Variants in KANK4 observed in about 807,000 individuals in gnomAD.
The protein encoded by KANK4 is KN motif and ankyrin repeat domains 4.
A neutral mutation model predicts 80.8 loss-of-function variants in KANK4; 50 were observed. The observed-to-expected ratio is 0.62, with a 90% CI of 0.49 to 0.78. The LOEUF (loss-of-function observed/expected upper bound fraction) is 0.78. Ranked by LOEUF, KANK4 falls within the 30% of genes least tolerant of loss-of-function variation. The probability of loss-of-function intolerance (pLI) is 0.00; values close to 1 mark genes in which losing one functional copy is unlikely to be tolerated. For missense variants in KANK4, 1,196 were observed against 1,240.1 expected (o/e 0.96, Z 0.53); for synonymous variants, 465 against 506.9 (o/e 0.92, Z 1.11).
rs1035452105 is a variant in KANK4 at position 62,273,218 on chromosome 1, G to A, written c.1886C>T (p.Ser629Phe). The change falls in exon 3 of 10, where the codon TCC becomes TTC. Residue 629 changes from serine to phenylalanine, a missense_variant. Physicochemically the swap from Ser to Phe is radical, Grantham distance 155. Around this residue, in one of 3 missense-constraint regions of KANK4, gnomAD observed 1,154 missense variants for 1,179.6 expected, o/e 0.98. Transcript: ENST00000371153. ...ATGGTATTTACCCACTGGCGGGGAGGAGGAGGAGGCCGGTGGCTCCTTGGG... is the reference window on the plus strand; with the variant it reads ...ATGGTATTTACCCACTGGCGGGGAGAAGGAGGAGGCCGGTGGCTCCTTGGG... ...HPPKEPPASSSSPPVEISPST... is the reference protein window; with the variant it reads ...HPPKEPPASSFSPPVEISPST... 14 of 1,514,118 alleles carry A rather than the reference G, an allele frequency of 9.2e-6. No homozygotes were observed. The highest frequency in any genetic ancestry group is 1.4e-5 in the African/African-American group (1 of 71,714). 93.8% of individuals were successfully genotyped at this position (1,514,118 alleles called of 1,614,324 possible). A position where few individuals can be genotyped will look rare whatever the true frequency, so the allele number is the denominator to read the frequency against.
chr1:62,291,316 C>T (rs1449425555), intron 1 of KANK4, among the ~76,000 whole-genome samples: 1 of 152,228 alleles, frequency 6.6e-6, no homozygotes, highest in Non-Finnish European at 1.5e-5. Context: ...AAGTTCTTCA[C>T]ATATTCAGGA....
intron 2 of KANK4, among the ~76,000 whole-genome samples, chr1:62,275,685 C>G (rs962519032): frequency 2.0e-5 from 3 of 152,150 alleles, no homozygotes; most frequent in African/African-American, 4.8e-5. Flanking sequence ...TCAGAGAGAG[C>G]TGGAACAAGT....
At chr1:62,267,092 G>T (rs181080214) in intron 5 of KANK4, among the ~76,000 whole-genome samples, 5 of 152,126 alleles carry the variant, frequency 3.3e-5, no homozygotes, top group African/African-American at 9.7e-5. Flanking sequence ...GCATTTAGGT[G>T]GGGGGTCGTG....
intron 1 of KANK4, among the ~76,000 whole-genome samples, chr1:62,287,568 A>G (rs545561356): frequency 1.6e-4 from 25 of 152,288 alleles, no homozygotes; most frequent in Non-Finnish European, 3.2e-4. Flanking sequence ...TTATCCTTGC[A>G]TCAATGCTTG....
intron 7 of KANK4, among the ~76,000 whole-genome samples, 165 bp from the exon 8 acceptor site, chr1:62,253,374 GA>G (rs1216061694): frequency 1.3e-5 from 2 of 150,748 alleles, no homozygotes; most frequent in African/African-American, 4.9e-5. Context: ...AGCCTTTAAA[GA>G]TGGTTTCTTT....
chr1:62,313,496 C>A (rs1332784692), intron 1 of KANK4, among the ~76,000 whole-genome samples: 1 of 152,230 alleles, frequency 6.6e-6, no homozygotes, highest in African/African-American at 2.4e-5. Context: ...TTCTTTTCCT[C>A]TCACTCCCAA....
In KANK4 at chr1:62,253,057, T is replaced by C; in HGVS notation, c.2682+10A>G. 1 of 1,613,256 alleles carries C rather than the reference T, an allele frequency of 6.2e-7. No homozygotes were observed. Among genetic ancestry groups the C allele is most frequent in the Non-Finnish European group, 8.5e-7 (1 of 1,179,766 alleles). On this transcript the variant is annotated intron_variant, in intron 8 of 9. Transcript: ENST00000371153. ...TTTACTGAAGAGGAGATCCTGTTCA[T>C]TCCACCCACCTGAGTAGCTTGAATG...
intron 1 of KANK4, among the ~76,000 whole-genome samples, chr1:62,314,509 C>T (rs1158030389): frequency 6.6e-6 from 1 of 151,966 alleles, no homozygotes; most frequent in East Asian, 1.9e-4. Flanking sequence ...GGGCAGAAAC[C>T]AGGATGTGGA....
chr1:62,238,632 C>CTTTTTTTTTTTTTTTTTTTTT (rs199999610), intron 9 of KANK4, among the ~76,000 whole-genome samples: 1 of 142,216 alleles, frequency 7.0e-6, no homozygotes, highest in Non-Finnish European at 1.5e-5. Flanking sequence ...TTTTAATGCT[C>CTTTTTTTTTTTTTTTTTTTTT]TTTTTTTTTT....
At chr1:62,314,205 G>A (rs1043864776) in intron 1 of KANK4, among the ~76,000 whole-genome samples, 3 of 152,060 alleles carry the variant, frequency 2.0e-5, no homozygotes, top group Non-Finnish European at 4.4e-5. Context: ...GTAGAGATGG[G>A]GTTTCTCCAT....
At chr1:62,247,387 G>A (rs975681668) in intron 9 of KANK4, 85 bp downstream of exon 9, 13 of 1,200,036 alleles carry the variant, frequency 1.1e-5, no homozygotes, top group Admixed American at 5.2e-5. Context: ...TGATCCTCCC[G>A]CCTCAGCCTC....
At chr1:62,308,295 A>G (rs981663619) in intron 1 of KANK4, among the ~76,000 whole-genome samples, 1 of 152,174 alleles carries the variant, frequency 6.6e-6, no homozygotes, top group African/African-American at 2.4e-5. Flanking sequence ...AGGCGCCTGC[A>G]TGGAGAGGGG....
In KANK4 at chr1:62,273,215, G is replaced by C. The variant is rs769014213; in HGVS notation, c.1889C>G (p.Ser630Cys). The C allele has an allele frequency of 3.5e-5, 52 of 1,496,880 alleles. No homozygotes were observed. In the East Asian group the frequency reaches 1.2e-3, roughly 33 times the overall value. 92.7% of individuals were successfully genotyped at this position (1,496,880 alleles called of 1,614,324 possible). Residue 630 changes from serine to cysteine, a missense_variant, in exon 3 of 10, where the codon TCC (serine) becomes TGC (cysteine). By Grantham distance (112) the Ser-to-Cys change is moderately radical. Around this residue, in one of 3 missense-constraint regions of KANK4, gnomAD observed 1,154 missense variants for 1,179.6 expected, o/e 0.98. Coordinates refer to ENST00000371153, the MANE Select transcript of KANK4 (RefSeq NM_181712.5). ...TTGATGGTATTTACCCACTGGCGGG[G>C]AGGAGGAGGAGGCCGGTGGCTCCTT... is the stretch of plus-strand genomic sequence containing the variant. ...PPKEPPASSSSPPVEISPSTS... is the reference protein window; with the variant it reads ...PPKEPPASSSCPPVEISPSTS...
chr1:62,277,660 C>T (rs1004938651), intron 2 of KANK4, among the ~76,000 whole-genome samples: 2 of 152,172 alleles, frequency 1.3e-5, no homozygotes, highest in African/African-American at 4.8e-5. Flanking sequence ...GCCCAAACAG[C>T]CCCACAGAAA....
intron 1 of KANK4, among the ~76,000 whole-genome samples, chr1:62,295,982 TACTC>T (rs1166348877): frequency 7.2e-5 from 11 of 152,288 alleles, no homozygotes; most frequent in African/African-American, 2.4e-4. Flanking sequence ...TACCCATCCT[TACTC>T]AGTGCCTAGG....
chr1:62,298,152 A>T (rs1439065824), intron 1 of KANK4: 1 of 152,154 alleles, frequency 6.6e-6, no homozygotes, highest in African/African-American at 2.4e-5. Context: ...TTCTTTTTTA[A>T]ATATGAAATG....
At chr1:62,254,856 C>A (rs1570973799) in intron 7 of KANK4, among the ~76,000 whole-genome samples, 1 of 149,430 alleles carries the variant, frequency 6.7e-6, no homozygotes, top group Non-Finnish European at 1.5e-5. Flanking sequence ...CAGGCATGAG[C>A]CACTGTGCCT....
chr1:62,244,664 G>A (rs989798874), intron 9 of KANK4, among the ~76,000 whole-genome samples: 1 of 152,158 alleles, frequency 6.6e-6, no homozygotes, highest in African/African-American at 2.4e-5. Context: ...GGAACTGTAA[G>A]TCCAATTAAA....
chr1:62,237,242 G>A lies in KANK4; in HGVS notation c.*1035C>T, dbSNP rs1245750881. ...TAAACCTTGCATGTGCTGGCCCCAGGGAATATGGAAGCTTCGGAAGGTATT... is the reference window on the plus strand; with the variant it reads ...TAAACCTTGCATGTGCTGGCCCCAGAGAATATGGAAGCTTCGGAAGGTATT... On this transcript the variant is annotated 3_prime_UTR_variant, in exon 10 of 10. Coordinates refer to ENST00000371153, the MANE Select transcript of KANK4 (RefSeq NM_181712.5). 6.6e-6 allele frequency: 1 copy of A among 151,704 alleles called. No homozygotes were observed. The highest frequency in any genetic ancestry group is 1.5e-5 in the Non-Finnish European group (1 of 68,012). The allele number at this position is 151,704 out of a possible 1,614,324, so 9.4% of individuals were successfully genotyped here. A position where few individuals can be genotyped will look rare whatever the true frequency, so the allele number is the denominator to read the frequency against.
Sources: allele counts gnomAD v4.1 joint callset (sites outside exome capture counted in the v4.1 genomes callset), GRCh38; gene constraint gnomAD v4.1.1; regional missense constraint gnomAD v4.1.1; transcripts MANE v1.5; gene names NCBI Gene and HGNC (gene_info 2026-07-23, HGNC 2026-07-21).